The following ARHGAP28 variants were observed in gnomAD, a reference collection of about 807,000 sequenced individuals.
ARHGAP28 encodes Rho GTPase activating protein 28, also known as rho GTPase-activating protein 28.
Under a neutral mutation model 90.7 loss-of-function variants are expected in ARHGAP28, and 56 were observed. The observed-to-expected ratio is 0.62, with a 90% confidence interval of 0.50 to 0.77. The LOEUF is 0.77. Among genes scored for constraint, ARHGAP28 ranks in the 30% least tolerant of loss-of-function variants. The pLI is 0.00. For synonymous variants in ARHGAP28, 308 were observed against 323.3 expected (o/e 0.95, Z 0.51); for missense variants, 869 against 900.9 (o/e 0.96, Z 0.45).
intron 16 of ARHGAP28, among the ~76,000 whole-genome samples, chr18:6,902,761 T>C (rs770734788): frequency 1.3e-5 from 2 of 152,208 alleles, no homozygotes; most frequent in Non-Finnish European, 2.9e-5. Context: ...AGTATGGTAA[T>C]TCCTCAAAAC....
chr18:6,816,283 T>G (rs983756223), intron 1 of ARHGAP28, among the ~76,000 whole-genome samples: 1 of 152,162 alleles, frequency 6.6e-6, no homozygotes, highest in Non-Finnish European at 1.5e-5. Flanking sequence ...ACATCCAAGT[T>G]GAGTTGTTTA....
chr18:6,892,568 T>C (rs1420627594), intron 14 of ARHGAP28, among the ~76,000 whole-genome samples: 4 of 152,168 alleles, frequency 2.6e-5, no homozygotes, highest in African/African-American at 9.7e-5. Flanking sequence ...CTAACAGCTA[T>C]TTGTTGAAGA....
rs1467924785 is a variant in ARHGAP28 at position 6,914,296 on chromosome 18, C to G, written c.*2142C>G. Reference sequence around the variant, plus strand: ...TTCATGTGGTTTTAAATGGCAGGGACTTCGCTGAGTCAGTAAGTATAATCA... The same window carrying G: ...TTCATGTGGTTTTAAATGGCAGGGAGTTCGCTGAGTCAGTAAGTATAATCA... On this transcript the variant is annotated 3_prime_UTR_variant, in exon 18 of 18. Transcript: ENST00000383472. 1 of 152,122 alleles carries G rather than the reference C, an allele frequency of 6.6e-6. No homozygotes were observed. Among genetic ancestry groups the G allele is most frequent in the African/African-American group, 2.4e-5 (1 of 41,426 alleles). The allele number at this position is 152,122 out of a possible 1,614,324, so 9.4% of individuals were successfully genotyped here.
At chr18:6,911,444 T>TCTTTC (rs2057398743) in intron 17 of ARHGAP28, among the ~76,000 whole-genome samples, 1 of 98,278 alleles carries the variant, frequency 1.0e-5, no homozygotes, top group East Asian at 2.5e-4. Flanking sequence ...TCTTTTCTTT[T>TCTTTC]CTTTTCTTTG....
intron 1 of ARHGAP28, chr18:6,790,595 C>T (rs1010973462): frequency 4.6e-5 from 7 of 152,032 alleles, no homozygotes; most frequent in African/African-American, 1.7e-4. Flanking sequence ...ACAGAGTGGA[C>T]AAGTGAGAAT....
At chr18:6,855,136 G>A (rs912998835) in intron 4 of ARHGAP28, among the ~76,000 whole-genome samples, 1 of 152,220 alleles carries the variant, frequency 6.6e-6, no homozygotes, top group Admixed American at 6.5e-5. Flanking sequence ...GAGGCAGACA[G>A]GTTGCTGGGC....
intron 7 of ARHGAP28, among the ~76,000 whole-genome samples, chr18:6,872,864 T>C (rs1357820769): frequency 6.6e-6 from 1 of 152,248 alleles, no homozygotes; most frequent in East Asian, 1.9e-4. Flanking sequence ...ATTTAATTTT[T>C]ATGGTAGAAT....
At chr18:6,837,621 C>T (rs936445315) in intron 3 of ARHGAP28, among the ~76,000 whole-genome samples, 2 of 152,112 alleles carry the variant, frequency 1.3e-5, no homozygotes, top group Non-Finnish European at 2.9e-5. Context: ...CTGCAATCTC[C>T]CTCAATACTA....
chr18:6,748,987 G>A (rs2056047235), intron 1 of ARHGAP28, among the ~76,000 whole-genome samples: 1 of 152,156 alleles, frequency 6.6e-6, no homozygotes. Context: ...AAATGTTTAT[G>A]CATGCAATAT....
At chr18:6,880,434 A>G (rs2057168280) in intron 10 of ARHGAP28, among the ~76,000 whole-genome samples, 2 of 152,094 alleles carry the variant, frequency 1.3e-5, no homozygotes, top group South Asian at 4.1e-4. Flanking sequence ...CACCCGACCT[A>G]TGCCAAGCTC....
intron 1 of ARHGAP28, among the ~76,000 whole-genome samples, chr18:6,813,801 G>C (rs767913636): frequency 6.6e-6 from 1 of 152,016 alleles, no homozygotes; most frequent in Non-Finnish European, 1.5e-5. Flanking sequence ...ACAACTTACT[G>C]CCCCTCTGAG....
chr18:6,847,408 ACTT>A (rs2056874252), intron 3 of ARHGAP28, among the ~76,000 whole-genome samples: 2 of 152,192 alleles, frequency 1.3e-5, no homozygotes, highest in East Asian at 3.9e-4. Context: ...TTTTCACAGA[ACTT>A]CTTCTCTCTC....
chr18:6,850,004 A>G (rs1477716500), intron 3 of ARHGAP28, among the ~76,000 whole-genome samples: 1 of 151,944 alleles, frequency 6.6e-6, no homozygotes, highest in Non-Finnish European at 1.5e-5. Context: ...TATTTTCCGT[A>G]TATTTTTTCT....
intron 1 of ARHGAP28, among the ~76,000 whole-genome samples, chr18:6,766,669 CT>C (rs2056202349): frequency 6.6e-6 from 1 of 152,256 alleles, no homozygotes; most frequent in South Asian, 2.1e-4. Context: ...CTACTCAAGT[CT>C]TTTTCCCCTT....
intron 1 of ARHGAP28, among the ~76,000 whole-genome samples, chr18:6,800,497 G>A (rs1224529041): frequency 6.6e-6 from 1 of 152,164 alleles, no homozygotes; most frequent in Non-Finnish European, 1.5e-5. Context: ...AAGAAAATGT[G>A]GCACATATAC....
At chr18:6,792,430 G>A (rs1242772388) in intron 1 of ARHGAP28, among the ~76,000 whole-genome samples, 1 of 152,196 alleles carries the variant, frequency 6.6e-6, no homozygotes, top group East Asian at 1.9e-4. Context: ...TTTTTGTCCT[G>A]TGGTGAGTGT....
chr18:6,857,879 T>A lies in ARHGAP28; in HGVS notation c.637-1929T>A, dbSNP rs141395774. Among the ~76,000 whole-genome samples the A allele has an allele frequency of 3.5e-3, 530 of 152,340 alleles. 5 individuals carry two copies. Among genetic ancestry groups the A allele is most frequent in the African/African-American group, 0.012 (513 of 41,588 alleles). On this transcript the variant is annotated intron_variant, in intron 4 of 17. Transcript: ENST00000383472. ...TATGTTTCCTTTGCAGTTGAGTAGA[T>A]CTATTTTCCAGAAAGGCCAAAATTG...
At chr18:6,873,281 C>G (rs2057104116) in intron 7 of ARHGAP28, 128 bp from the exon 8 acceptor site, 1 of 736,792 alleles carries the variant, frequency 1.4e-6, no homozygotes, top group Non-Finnish European at 2.2e-6. Flanking sequence ...ATGCAGCATG[C>G]TCCTTAGAGA....
intron 2 of ARHGAP28, among the ~76,000 whole-genome samples, chr18:6,830,714 AAAGCTTTG>A (rs1439851067): frequency 1.3e-5 from 2 of 152,230 alleles, no homozygotes; most frequent in Non-Finnish European, 2.9e-5. Flanking sequence ...TGTGTCTGCA[AAAGCTTTG>A]TTTCCAAATA....
Sources: gnomAD v4.1 joint callset for allele counts (sites outside exome capture counted in the v4.1 genomes callset) on GRCh38, gnomAD v4.1.1 for gene constraint, MANE v1.5 for transcripts, NCBI Gene and HGNC (gene_info 2026-07-23, HGNC 2026-07-21) for gene names.